Variants in POU6F2 observed in about 807,000 individuals in gnomAD.
POU6F2 encodes the protein POU class 6 homeobox 2, also known as POU domain, class 6, transcription factor 2.
In POU6F2, 31 loss-of-function variants were observed where a neutral mutation model predicts 71.3. That is an observed-to-expected ratio of 0.43 (90% CI 0.33 to 0.59). The LOEUF is 0.59. Ranked by LOEUF, POU6F2 falls within the 20% of genes least tolerant of loss-of-function variation. The probability of loss-of-function intolerance (pLI) is 0.04; values close to 1 mark genes in which losing one functional copy is unlikely to be tolerated. For missense variants in POU6F2, 783 were observed against 856.8 expected (o/e 0.91, Z 1.07); for synonymous variants, 347 against 355.7 (o/e 0.98, Z 0.27).
At position 39,000,433 on chromosome 7, in the gene POU6F2, A is replaced by T. The variant is rs1271257332; in HGVS notation, c.105+22375A>T. The stretch of plus-strand genomic sequence containing the variant: ...TACCAATGTTTATTACACAACAGCC[A>T]CTAATATCAGACTGCTCTCCACTGT... On this transcript the variant is annotated intron_variant, in intron 1 of 9. Coordinates refer to ENST00000518318, the MANE Select transcript of POU6F2 (RefSeq NM_001370959.1). Among the ~76,000 whole-genome samples the T allele has an allele frequency of 2.6e-5, 4 of 152,184 alleles. No homozygotes were observed. The South Asian group carries it at 6.2e-4, about 24-fold the overall frequency.
chr7:39,112,303 T>A (rs1404686553), intron 2 of POU6F2, among the ~76,000 whole-genome samples: 2 of 152,124 alleles, frequency 1.3e-5, no homozygotes, highest in Non-Finnish European at 2.9e-5. Flanking sequence ...TCAGGTAAAA[T>A]CTCATTGGAA....
At chr7:39,267,640 A>AT (rs200632650) in intron 4 of POU6F2, among the ~76,000 whole-genome samples, 45,981 of 148,594 alleles carry the variant, frequency 0.31, 7,670 homozygotes, top group East Asian at 0.45. Context: ...TATTTTATTT[A>AT]TTTTTTTTTT....
chr7:38,988,171 G>A (rs1377702460), intron 1 of POU6F2, among the ~76,000 whole-genome samples: 1 of 152,090 alleles, frequency 6.6e-6, no homozygotes, highest in Non-Finnish European at 1.5e-5. Context: ...ATATTGCTAA[G>A]GAGTGGAAGA....
intron 2 of POU6F2, among the ~76,000 whole-genome samples, chr7:39,176,148 C>T (rs1039045120): frequency 6.6e-6 from 1 of 152,140 alleles, no homozygotes; most frequent in Non-Finnish European, 1.5e-5. Flanking sequence ...GGCCTGCAGG[C>T]TCTTCTCCAT....
intron 2 of POU6F2, among the ~76,000 whole-genome samples, chr7:39,162,697 A>G (rs937206259): frequency 6.6e-6 from 1 of 152,222 alleles, no homozygotes; most frequent in Non-Finnish European, 1.5e-5. Flanking sequence ...GAAGTTTAGT[A>G]TAAACAAAGT....
intron 5 of POU6F2, among the ~76,000 whole-genome samples, chr7:39,401,971 C>T (rs1787314276): frequency 1.3e-5 from 2 of 152,222 alleles, no homozygotes; most frequent in Non-Finnish European, 2.9e-5. Context: ...AATATAATAC[C>T]ATAGCTAAAT....
intron 4 of POU6F2, among the ~76,000 whole-genome samples, chr7:39,287,954 G>A (rs764091611): frequency 6.6e-6 from 1 of 152,158 alleles, no homozygotes; most frequent in Non-Finnish European, 1.5e-5. Context: ...GACTGAACCT[G>A]TATACTGTCA....
At chr7:39,372,757 C>G (rs1031554480) in intron 5 of POU6F2, among the ~76,000 whole-genome samples, 1 of 152,180 alleles carries the variant, frequency 6.6e-6, no homozygotes, top group African/African-American at 2.4e-5. Context: ...AGAGTACAAA[C>G]TTAGTGCTTC....
intron 2 of POU6F2, among the ~76,000 whole-genome samples, chr7:39,158,073 T>A (rs1297565039): frequency 6.6e-6 from 1 of 152,198 alleles, no homozygotes; most frequent in Non-Finnish European, 1.5e-5. Context: ...TTCATGTAAT[T>A]TCTCTGCGCT....
At chr7:39,204,566 C>T (rs1162117360) in intron 3 of POU6F2, among the ~76,000 whole-genome samples, 24 of 149,924 alleles carry the variant, frequency 1.6e-4, no homozygotes, top group African/African-American at 5.6e-4. Context: ...TGTGGAAACA[C>T]TTTTTTTTTT....
At chr7:39,073,707 A>G (rs1032358531) in intron 1 of POU6F2, among the ~76,000 whole-genome samples, 6 of 152,248 alleles carry the variant, frequency 3.9e-5, no homozygotes, top group Non-Finnish European at 8.8e-5. Flanking sequence ...GGTGCTGGCC[A>G]AGAGAAAGCT....
At chr7:39,033,243 G>A (rs566729957) in intron 1 of POU6F2, among the ~76,000 whole-genome samples, 1 of 152,292 alleles carries the variant, frequency 6.6e-6, no homozygotes, top group South Asian at 2.1e-4. Flanking sequence ...TGGCTACCCG[G>A]CGAACTGATA....
chr7:39,241,602 G>A (rs1040603352), intron 4 of POU6F2, among the ~76,000 whole-genome samples: 8 of 152,126 alleles, frequency 5.3e-5, no homozygotes, highest in South Asian at 2.1e-4. Flanking sequence ...ACATGTATTC[G>A]TAGGAAGAGA....
chr7:38,982,571 T>G (rs998913958), intron 1 of POU6F2, among the ~76,000 whole-genome samples: 2 of 152,124 alleles, frequency 1.3e-5, no homozygotes, highest in Non-Finnish European at 1.5e-5. Context: ...TTTATTATGT[T>G]TAGAATTTTT....
intron 2 of POU6F2, among the ~76,000 whole-genome samples, chr7:39,175,769 T>C (rs563294335): frequency 1.3e-5 from 2 of 152,120 alleles, no homozygotes; most frequent in African/African-American, 2.4e-5. Flanking sequence ...CTTCTCCAGA[T>C]GTGCTTCCTT....
chr7:39,030,543 T>TGTATAC lies in POU6F2; in HGVS notation c.105+52485_105+52486insGTATAC, dbSNP rs1554310458. Among the ~76,000 whole-genome samples the TGTATAC allele has an allele frequency of 6.7e-3, 588 of 87,994 alleles. 53 individuals are homozygous for TGTATAC. Among genetic ancestry groups the TGTATAC allele is most frequent in the South Asian group, 0.013 (35 of 2,700 alleles). The allele number at this position is 87,994 out of a possible 152,430, so 57.7% of individuals were successfully genotyped here. On this transcript the variant is annotated intron_variant, in intron 1 of 9. Transcript: ENST00000518318. ...ATATATATATATATATATATATATATACACACACATACATATATTCCATTG... is the reference window on the plus strand; with the variant it reads ...ATATATATATATATATATATATATATGTATACACACACACATACATATATTCCATTG...
chr7:39,049,426 G>A (rs142358584), intron 1 of POU6F2, among the ~76,000 whole-genome samples: 1 of 152,076 alleles, frequency 6.6e-6, no homozygotes, highest in East Asian at 1.9e-4. Context: ...ACTCATGGGT[G>A]TTAGAAGTGT....
At chr7:39,196,658 C>T (rs2128744267) in intron 2 of POU6F2, among the ~76,000 whole-genome samples, 1 of 152,010 alleles carries the variant, frequency 6.6e-6, no homozygotes, top group African/African-American at 2.4e-5. Flanking sequence ...ACTCAGGAGG[C>T]TGAGACAGGA....
In POU6F2 at chr7:39,320,910, G is replaced by T. The variant is rs577154454; in HGVS notation, c.599-18732G>T. ...TCTCAACCAAAAATTTAAAAAATTA[G>T]CCAGGCATGGTGGCATGCACCTGTA... On this transcript the variant is annotated intron_variant, in intron 4 of 9. Transcript: ENST00000518318. 8.5e-5 allele frequency among the ~76,000 whole-genome samples: 13 copies of T among 152,134 alleles called. No individual in the cohort carries two copies. The South Asian group carries it at 2.5e-3, about 29-fold the overall frequency.
Sources: allele counts gnomAD v4.1 joint callset (sites outside exome capture counted in the v4.1 genomes callset), GRCh38; gene constraint gnomAD v4.1.1; transcripts MANE v1.5; gene names NCBI Gene and HGNC (gene_info 2026-07-23, HGNC 2026-07-21).